ZNF507: variants seen among roughly 807,000 people sequenced by gnomAD.
ZNF507 encodes the protein zinc finger protein 507.
ZNF507 carries 29 observed loss-of-function variants against 80.0 expected under a neutral mutation model. The ratio of observed to expected loss-of-function variants is 0.36; its 90% CI spans 0.27 to 0.49. ZNF507 has a LOEUF of 0.49. ZNF507 is among the 20% of genes least tolerant of loss of function. The pLI is 0.98. For missense variants in ZNF507, 1,081 were observed against 1,152.2 expected (o/e 0.94, Z 0.90); for synonymous variants, 462 against 422.5 (o/e 1.09, Z -1.15).
chr19:32,358,126 A>G (rs1315447754), intron 4 of ZNF507: 3 of 152,014 alleles, frequency 2.0e-5, no homozygotes. Flanking sequence ...ATTGCCTGCC[A>G]TGCCTCTTTT....
rs1394188415 is a variant in ZNF507 at position 32,355,016 on chromosome 19, A to G, written c.2127+59A>G. On this transcript the variant is annotated intron_variant, in intron 3 of 6. Coordinates refer to ENST00000355898, the MANE Select transcript of ZNF507 (RefSeq NM_001136156.2). ...CTTCGCATCTTAGAGTGAGAAGGGA[A>G]CTTTGTAGATCTAATCCAATCACCT... 2.1e-6 allele frequency: 3 copies of G among 1,455,502 alleles called. No individual in the cohort carries two copies. In the African/African-American group the frequency reaches 4.3e-5, roughly 21 times the overall value. 90.2% of individuals were successfully genotyped at this position (1,455,502 alleles called of 1,614,324 possible). A position where few individuals can be genotyped will look rare whatever the true frequency, so the allele number is the denominator to read the frequency against.
intron 5 of ZNF507, among the ~76,000 whole-genome samples, chr19:32,365,154 CTATT>C (rs1451889338): frequency 6.6e-6 from 1 of 152,124 alleles, no homozygotes; most frequent in Non-Finnish European, 1.5e-5. Context: ...TGAGAATTGT[CTATT>C]TATGTCCTTA....
chr19:32,351,168 C>T (rs1967157516), intron 2 of ZNF507, among the ~76,000 whole-genome samples: 1 of 152,018 alleles, frequency 6.6e-6, no homozygotes. Context: ...TTGGAATGGC[C>T]ATGGAATGCA....
intron 5 of ZNF507, among the ~76,000 whole-genome samples, chr19:32,375,637 A>G (rs570371255): frequency 4.1e-4 from 62 of 152,352 alleles, no homozygotes; most frequent in African/African-American, 1.5e-3. Flanking sequence ...AAAATCAGGC[A>G]ACTTTAAGTT....
intron 1 of ZNF507, among the ~76,000 whole-genome samples, chr19:32,346,654 CTAT>C (rs769340935): frequency 7.4e-4 from 113 of 152,322 alleles, no homozygotes; most frequent in South Asian, 2.3e-3. Flanking sequence ...TGGCAGTGAG[CTAT>C]TTTACTTAAC....
At chr19:32,382,421 A>T (rs1402626953) in intron 5 of ZNF507, 46 bp from the exon 6 acceptor site, 1 of 1,598,466 alleles carries the variant, frequency 6.3e-7, no homozygotes. Flanking sequence ...TTTTTCACTG[A>T]TGTTATGGGA....
chr19:32,381,159 A>T (rs1237340779), intron 5 of ZNF507, among the ~76,000 whole-genome samples: 1 of 152,194 alleles, frequency 6.6e-6, no homozygotes, highest in African/African-American at 2.4e-5. Context: ...CTTCTGGGAA[A>T]GGCAAAACTA....
At chr19:32,356,256 A>T (rs1967250440) in intron 3 of ZNF507, among the ~76,000 whole-genome samples, 1 of 152,154 alleles carries the variant, frequency 6.6e-6, no homozygotes, top group Admixed American at 6.5e-5. Flanking sequence ...GAGTCTGGTG[A>T]TTACTGATTG....
In ZNF507 at chr19:32,353,035, A is replaced by C. The variant is rs1967191535; in HGVS notation, c.205A>C (p.Lys69Gln). 1 of 1,614,014 alleles carries C rather than the reference A, an allele frequency of 6.2e-7. No homozygotes were observed. Among genetic ancestry groups the C allele is most frequent in the Non-Finnish European group, 8.5e-7 (1 of 1,179,980 alleles). The change falls in exon 3 of 7, where the codon AAA becomes CAA. Residue 69 changes from lysine (K) to glutamine (Q), a missense_variant. This residue lies in a region of ZNF507 where 275 missense variants were observed against 303.9 expected (regional missense o/e 0.90). Transcript: ENST00000355898. The stretch of plus-strand genomic sequence containing the variant: ...ACAAAAATGTCTTTTAATTGGGAAG[A>C]AACGCCCACGTTCAAGTGCTGCAAC... ...KSQKCLLIGK[K>Q]RPRSSAATHS...
At chr19:32,380,095 C>G (rs1179552089) in intron 5 of ZNF507, among the ~76,000 whole-genome samples, 1 of 152,174 alleles carries the variant, frequency 6.6e-6, no homozygotes, top group Admixed American at 6.5e-5. Context: ...TTATCAGACT[C>G]ACTTATCTTT....
At chr19:32,360,227 A>C (rs1967303682) in intron 4 of ZNF507, among the ~76,000 whole-genome samples, 2 of 152,220 alleles carry the variant, frequency 1.3e-5, no homozygotes, top group Admixed American at 1.3e-4. Flanking sequence ...AGCCAGAAGC[A>C]AGTTCATTAT....
chr19:32,385,825 C>G lies in ZNF507; in HGVS notation c.*2742C>G, dbSNP rs943845918. The G allele has an allele frequency of 7.3e-5, 11 of 151,592 alleles. No individual in the cohort carries two copies. The highest frequency in any genetic ancestry group is 2.7e-4 in the African/African-American group (11 of 41,248). The allele number at this position is 151,592 out of a possible 1,614,324, so 9.4% of individuals were successfully genotyped here. ...ATGAGGTCCTCTGTTTACCTCCCCC[C>G]CCAAAAAAAAAATTCAGTAGGAATT... On this transcript the variant is annotated 3_prime_UTR_variant, in exon 7 of 7. Coordinates refer to ENST00000355898, the MANE Select transcript of ZNF507 (RefSeq NM_001136156.2).
At chr19:32,382,440 A>G (rs887934279) in intron 5 of ZNF507, 27 bp from the exon 6 acceptor site, 3 of 1,610,480 alleles carry the variant, frequency 1.9e-6, no homozygotes, top group Non-Finnish European at 2.5e-6. Flanking sequence ...GACCGTTCTG[A>G]TTTTCCCTTG....
At chr19:32,362,603 C>G (rs1967343816) in intron 5 of ZNF507, among the ~76,000 whole-genome samples, 2 of 152,152 alleles carry the variant, frequency 1.3e-5, no homozygotes, top group Admixed American at 1.3e-4. Context: ...TTTACATCTG[C>G]TTTATTAGAT....
At chr19:32,350,554 G>A (rs1967149489) in intron 2 of ZNF507, among the ~76,000 whole-genome samples, 2 of 152,060 alleles carry the variant, frequency 1.3e-5, no homozygotes, top group Non-Finnish European at 2.9e-5. Flanking sequence ...TCTTTTTAAG[G>A]TACACACTGA....
intron 5 of ZNF507, among the ~76,000 whole-genome samples, chr19:32,368,638 A>G (rs936028510): frequency 5.3e-5 from 8 of 152,194 alleles, no homozygotes; most frequent in African/African-American, 1.9e-4. Flanking sequence ...TTTAAGGAAA[A>G]TAGTGAAGGA....
At chr19:32,380,907 C>T (rs976741558) in intron 5 of ZNF507, among the ~76,000 whole-genome samples, 1 of 151,988 alleles carries the variant, frequency 6.6e-6, no homozygotes. Flanking sequence ...CCAGCCTGGG[C>T]AACAGAGTAA....
chr19:32,351,594 T>G (rs1413245598), intron 2 of ZNF507, among the ~76,000 whole-genome samples: 1 of 146,734 alleles, frequency 6.8e-6, no homozygotes, highest in Non-Finnish European at 1.5e-5. Flanking sequence ...CCCTTATATG[T>G]TGATTCAACC....
chr19:32,384,971 T>C lies in ZNF507; in HGVS notation c.*1888T>C, dbSNP rs1429997158. 2 of 152,164 alleles carry C rather than the reference T, an allele frequency of 1.3e-5. No individual in the cohort carries two copies. Among genetic ancestry groups the C allele is most frequent in the East Asian group, 1.9e-4 (1 of 5,202 alleles). 9.4% of individuals were successfully genotyped at this position (152,164 alleles called of 1,614,324 possible). On this transcript the variant is annotated 3_prime_UTR_variant, in exon 7 of 7. Transcript: ENST00000355898. The stretch of plus-strand genomic sequence containing the variant: ...ATTCAAATAGAACATTTAAAATGAT[T>C]TCATTATTATTACCCATACTGTTGC...
Sources: gnomAD v4.1 joint callset for allele counts (sites outside exome capture counted in the v4.1 genomes callset) on GRCh38, gnomAD v4.1.1 for gene constraint, gnomAD v4.1.1 regional missense constraint, MANE v1.5 for transcripts, NCBI Gene and HGNC (gene_info 2026-07-23, HGNC 2026-07-21) for gene names.